Variants in DHRSX observed in about 807,000 individuals in gnomAD.
DHRSX encodes polyprenol dehydrogenase.
In DHRSX, 31 loss-of-function variants were observed where a neutral mutation model predicts 34.0. The observed-to-expected ratio is 0.91, with a 90% CI of 0.69 to 1.23. The LOEUF (loss-of-function observed/expected upper bound fraction) is 1.23. Among genes scored for constraint, DHRSX ranks in the 50% most tolerant of loss-of-function variants. The probability of loss-of-function intolerance (pLI) is 0.00; values close to 1 mark genes in which losing one functional copy is unlikely to be tolerated. For synonymous variants in DHRSX, 201 were observed against 183.8 expected (o/e 1.09, Z -0.76); for missense variants, 414 against 428.1 (o/e 0.97, Z 0.29).
At chrX:2,459,550 G>GTATATATATATATTGTCTGTGTGTA (rs1556523965) in intron 1 of DHRSX, among the ~76,000 whole-genome samples, 1 of 137,788 alleles carries the variant, frequency 7.3e-6, no homozygotes, top group Non-Finnish European at 1.6e-5. Context: ...GTGTCTGTGT[G>GTATATATATATATTGTCTGTGTGTA]TATATATATA....
rs536144447 is a variant in DHRSX, at chrX:2,360,463, A to G, written c.286+48282T>C. 2.2e-3 allele frequency among the ~76,000 whole-genome samples: 338 copies of G among 152,170 alleles called. 3 individuals carry two copies. The highest frequency in any genetic ancestry group is 3.4e-3 in the Non-Finnish European group (230 of 67,988). On this transcript the variant is annotated intron_variant, in intron 3 of 6. Coordinates refer to ENST00000334651, the MANE Select transcript of DHRSX (RefSeq NM_145177.3). ...CCAGGTGTGGTGGTGCGTGCCTGTA[A>G]TCCCAGCTACTTGGGAGGCTGAGGC...
chrX:2,340,700 T>A (rs987227223), intron 3 of DHRSX, among the ~76,000 whole-genome samples: 1 of 152,078 alleles, frequency 6.6e-6, no homozygotes, highest in Non-Finnish European at 1.5e-5. Context: ...AAATTGATAT[T>A]TGGACTTTTG....
At chrX:2,452,454 G>T (rs757132704) in intron 1 of DHRSX, among the ~76,000 whole-genome samples, 13 of 151,758 alleles carry the variant, frequency 8.6e-5, no homozygotes, top group East Asian at 1.9e-4. Context: ...TGTGGATAAG[G>T]GACCTCCGCC....
intron 3 of DHRSX, among the ~76,000 whole-genome samples, chrX:2,312,567 T>C (rs1263451819): frequency 2.0e-5 from 3 of 151,396 alleles, no homozygotes; most frequent in African/African-American, 7.3e-5. Context: ...CACACAGGGG[T>C]CTTTCGGGGA....
chrX:2,356,658 C>G (rs1356868708), intron 3 of DHRSX, among the ~76,000 whole-genome samples: 3 of 152,126 alleles, frequency 2.0e-5, no homozygotes, highest in Non-Finnish European at 4.4e-5. Flanking sequence ...CCTGAGAAAG[C>G]CAGACCAACC....
intron 4 of DHRSX, among the ~76,000 whole-genome samples, chrX:2,288,813 TTTTG>T (rs2041835038): frequency 6.6e-6 from 1 of 152,222 alleles, no homozygotes; most frequent in Non-Finnish European, 1.5e-5. Flanking sequence ...AACAAGACCC[TTTTG>T]ATTCAAATTC....
intron 1 of DHRSX, among the ~76,000 whole-genome samples, chrX:2,483,255 T>TTTATTA (rs762011804): frequency 0.017 from 2,575 of 151,292 alleles, 35 homozygotes; most frequent in Middle Eastern, 0.094. Context: ...TTGGCTAATT[T>TTTATTA]TTATTATTAT....
At chrX:2,337,278 T>C (rs1186868401) in intron 3 of DHRSX, among the ~76,000 whole-genome samples, 2 of 152,096 alleles carry the variant, frequency 1.3e-5, no homozygotes, top group East Asian at 1.9e-4. Context: ...TCAGGACTGA[T>C]GGACACTTCA....
intron 3 of DHRSX, among the ~76,000 whole-genome samples, chrX:2,360,081 AT>A (rs1353678792): frequency 6.6e-6 from 1 of 152,180 alleles, no homozygotes; most frequent in Non-Finnish European, 1.5e-5. Context: ...GTTTTTAAAA[AT>A]TATGGAAGTT....
At chrX:2,433,834 G>C (rs181735260) in intron 1 of DHRSX, among the ~76,000 whole-genome samples, 79 of 152,244 alleles carry the variant, frequency 5.2e-4, no homozygotes, top group Non-Finnish European at 9.3e-4. Context: ...GAATGCAGTG[G>C]CGCAATATCA....
intron 1 of DHRSX, among the ~76,000 whole-genome samples, chrX:2,491,617 T>C (rs1368201350): frequency 1.3e-5 from 2 of 152,140 alleles, no homozygotes; most frequent in Admixed American, 6.5e-5. Context: ...AGCTTTCCTA[T>C]GGCTAAGAGG....
intron 1 of DHRSX, among the ~76,000 whole-genome samples, chrX:2,435,672 G>A (rs910676860): frequency 1.3e-5 from 2 of 152,152 alleles, no homozygotes; most frequent in Non-Finnish European, 2.9e-5. Flanking sequence ...GGCTGAGATG[G>A]GAGGATTGTT....
At chrX:2,464,391 C>A (rs1369894833) in intron 1 of DHRSX, among the ~76,000 whole-genome samples, 1 of 131,828 alleles carries the variant, frequency 7.6e-6, no homozygotes, top group Non-Finnish European at 1.6e-5. Context: ...AAGTGTGTGG[C>A]TAAGGGACTG....
At chrX:2,355,111 A>G (rs2042832866) in intron 3 of DHRSX, among the ~76,000 whole-genome samples, 1 of 152,208 alleles carries the variant, frequency 6.6e-6, no homozygotes, top group Non-Finnish European at 1.5e-5. Flanking sequence ...ATAGGTTGGA[A>G]GGAAAACACA....
chrX:2,331,038 T>G (rs1019391657), intron 3 of DHRSX, among the ~76,000 whole-genome samples: 3 of 152,094 alleles, frequency 2.0e-5, no homozygotes, highest in African/African-American at 7.2e-5. Context: ...TGTCCAGTAA[T>G]GGGGTAGAGC....
At chrX:2,343,386 C>T (rs1408459903) in intron 3 of DHRSX, among the ~76,000 whole-genome samples, 1 of 150,942 alleles carries the variant, frequency 6.6e-6, no homozygotes, top group African/African-American at 2.4e-5. Flanking sequence ...AGTGACTCCA[C>T]CTTAGAAAAA....
At chrX:2,489,098 G>A (rs745727223) in intron 1 of DHRSX, 3 of 1,613,518 alleles carry the variant, frequency 1.9e-6, no homozygotes, top group South Asian at 1.1e-5. Flanking sequence ...GATGACGCTG[G>A]CGGGCGGCGG....
At chrX:2,313,779 G>A (rs2042192799) in intron 3 of DHRSX, among the ~76,000 whole-genome samples, 2 of 152,242 alleles carry the variant, frequency 1.3e-5, no homozygotes, top group African/African-American at 2.4e-5. Flanking sequence ...AGGAGATCCC[G>A]AGAACATGTA....
intron 4 of DHRSX, among the ~76,000 whole-genome samples, chrX:2,271,348 C>T (rs2041551802): frequency 6.6e-6 from 1 of 152,202 alleles, no homozygotes; most frequent in Admixed American, 6.5e-5. Flanking sequence ...AAATTCTGGA[C>T]ACACTCTCAC....
Sources: allele counts gnomAD v4.1 joint callset (sites outside exome capture counted in the v4.1 genomes callset), GRCh38; gene constraint gnomAD v4.1.1; transcripts MANE v1.5; gene names NCBI Gene and HGNC (gene_info 2026-07-23, HGNC 2026-07-21).